The following CENPI variants were observed in gnomAD, a reference collection of about 807,000 sequenced individuals.
CENPI encodes FSH primary response 1.
A neutral mutation model predicts 60.4 loss-of-function variants in CENPI; 4 were observed. The observed-to-expected ratio is 0.07, with a 90% CI of 0.03 to 0.15. CENPI has a LOEUF of 0.15. Ranked by LOEUF, CENPI falls within the 10% of genes least tolerant of loss-of-function variation. The pLI, the probability that CENPI is intolerant of heterozygous loss-of-function variation, is 1.00. For missense variants in CENPI, 444 were observed against 534.5 expected (o/e 0.83, Z 1.67); for synonymous variants, 157 against 189.4 (o/e 0.83, Z 1.40).
intron 16 of CENPI, chrX:101,141,003 A>G: frequency 7.8e-6 from 2 of 257,790 alleles, no homozygotes; most frequent in Non-Finnish European, 1.4e-5. Flanking sequence ...TCAAGAGTTA[A>G]TATAACAAAA....
downstream of CENPI, among the ~76,000 whole-genome samples, chrX:101,169,920 A>G (rs765073542): frequency 1.9e-5 from 2 of 107,850 alleles, no homozygotes; most frequent in African/African-American, 3.3e-5. Flanking sequence ...CAGCTGTACA[A>G]TGTTTGTGTT....
At chrX:101,142,159 T>A (rs1348703553) in intron 16 of CENPI, among the ~76,000 whole-genome samples, 1 of 111,893 alleles carries the variant, frequency 8.9e-6, no homozygotes, top group Non-Finnish European at 1.9e-5. Flanking sequence ...AAATAGTAGG[T>A]TTGCATCTAT....
intron 8 of CENPI, among the ~76,000 whole-genome samples, chrX:101,121,902 A>T (rs1433160207): frequency 1.9e-5 from 2 of 103,617 alleles, no homozygotes; most frequent in Non-Finnish European, 3.9e-5. Flanking sequence ...TCCCGGGTTC[A>T]AGCGATTCTC....
At chrX:101,162,483 T>TATATATATATATATATATATAG (rs2090119847) in intron 21 of CENPI, among the ~76,000 whole-genome samples, 1 of 99,048 alleles carries the variant, frequency 1.0e-5, no homozygotes, top group African/African-American at 3.8e-5. Context: ...AATATATATA[T>TATATATATATATATATATATAG]ATATATATAA....
At chrX:101,099,676 A>G (rs778505640) in intron 2 of CENPI, 1 of 110,898 alleles carries the variant, frequency 9.0e-6, no homozygotes, top group Non-Finnish European at 1.9e-5. Flanking sequence ...AGGTCACCTC[A>G]GAGAGGTTTT....
In CENPI at chrX:101,163,517, G is replaced by C. The variant is rs952029156; in HGVS notation, c.*550G>C. The C allele has an allele frequency of 8.5e-6, 1 of 117,676 alleles. No homozygotes were observed. The highest frequency in any genetic ancestry group is 3.3e-5 in the African/African-American group (1 of 30,550). The allele number at this position is 117,676 out of a possible 1,213,427, so 9.7% of individuals were successfully genotyped here. A position where few individuals can be genotyped will look rare whatever the true frequency, so the allele number is the denominator to read the frequency against. On this transcript the variant is annotated 3_prime_UTR_variant, in exon 22 of 22. Transcript: ENST00000682095. ...GGGAAGGAAGGGGAGAGGATTTGTT[G>C]GGTAATCAAGACATTCCCGTATATG... is the stretch of plus-strand genomic sequence containing the variant.
intron 4 of CENPI, among the ~76,000 whole-genome samples, chrX:101,104,663 A>G (rs938507608): frequency 9.3e-5 from 10 of 107,768 alleles, no homozygotes; most frequent in African/African-American, 3.4e-4. Context: ...ATTTGAGACC[A>G]GCCTGGGCAA....
At chrX:101,143,778 C>T (rs1008290072) in intron 16 of CENPI, among the ~76,000 whole-genome samples, 8 of 112,300 alleles carry the variant, frequency 7.1e-5, no homozygotes, top group Non-Finnish European at 1.3e-4. Flanking sequence ...ATCCGCCTGC[C>T]TCAGCCTCCC....
At chrX:101,135,013 CAA>C (rs60728769) in intron 15 of CENPI, among the ~76,000 whole-genome samples, 23 of 95,915 alleles carry the variant, frequency 2.4e-4, no homozygotes, top group African/African-American at 8.3e-4. Flanking sequence ...GATTCCATCT[CAA>C]AAAAAAAAAA....
chrX:101,136,797 A>T (rs1205024469), intron 15 of CENPI, among the ~76,000 whole-genome samples: 2 of 112,416 alleles, frequency 1.8e-5, no homozygotes, highest in Admixed American at 9.5e-5. Context: ...ATAAAAAATC[A>T]GAATACGTAA....
At chrX:101,133,891 T>C (rs1188209726) in intron 15 of CENPI, among the ~76,000 whole-genome samples, 1 of 111,582 alleles carries the variant, frequency 9.0e-6, no homozygotes, top group Non-Finnish European at 1.9e-5. Flanking sequence ...TATGGAAATA[T>C]ATTCAGGGGA....
At chrX:101,161,779 T>C (rs1415430640) in intron 21 of CENPI, among the ~76,000 whole-genome samples, 5 of 111,456 alleles carry the variant, frequency 4.5e-5, no homozygotes, top group Middle Eastern at 4.2e-3. Context: ...TAACTTTTGA[T>C]AGTTACAGTT....
chrX:101,120,743 C>A lies in CENPI; in HGVS notation c.646C>A (p.Pro216Thr), dbSNP rs1316033883. The change falls in exon 8 of 22, where the codon CCA becomes ACA. Residue 216 changes from proline to threonine, a missense_variant. By Grantham distance (38) the Pro-to-Thr change is conservative (BLOSUM62 -1). Coordinates refer to ENST00000682095, the MANE Select transcript of CENPI (RefSeq NM_001386188.2). Reference sequence around the variant, plus strand: ...CTTTCCTTTATGTTTTCTAGTCAAACCATTTCGTGTGAGAAAACTGCTTGA... The same window carrying A: ...CTTTCCTTTATGTTTTCTAGTCAAAACATTTCGTGTGAGAAAACTGCTTGA... ...YLLTKKENVK[P>T]FRVRKLLDLQ... 1 of 1,208,625 alleles carries A rather than the reference C, an allele frequency of 8.3e-7. No individual in the cohort carries two copies. Among genetic ancestry groups the A allele is most frequent in the Non-Finnish European group, 1.1e-6 (1 of 893,223 alleles).
At chrX:101,119,472 A>G (rs190791612) in intron 6 of CENPI, among the ~76,000 whole-genome samples, 5 of 112,169 alleles carry the variant, frequency 4.5e-5, no homozygotes, top group Admixed American at 3.8e-4. Flanking sequence ...CATGAAGGCC[A>G]TATTGTCTCT....
the CENPI span, among the ~76,000 whole-genome samples, chrX:101,178,398 C>CTTTTTTTTTTTTTTTTTTTTTTTTTTTTT: frequency 2.5e-4 from 10 of 39,983 alleles, no homozygotes; most frequent in Non-Finnish European, 2.9e-4. Flanking sequence ...TTTTCTTCTT[C>CTTTTTTTTTTTTTTTTTTTTTTTTTTTTT]TTTTTTTTTT....
chrX:101,114,617 T>C (rs1232946147), intron 6 of CENPI, among the ~76,000 whole-genome samples: 1 of 111,634 alleles, frequency 9.0e-6, no homozygotes, highest in Admixed American at 9.5e-5. Flanking sequence ...TCAAGTTTCA[T>C]CTGTGTTATA....
intron 4 of CENPI, among the ~76,000 whole-genome samples, chrX:101,105,714 A>G (rs368336926): frequency 9.0e-6 from 1 of 111,321 alleles, no homozygotes; most frequent in East Asian, 2.8e-4. Context: ...AGATGGGACT[A>G]CAGGTGCGTG....
At chrX:101,105,866 T>C (rs1021396532) in intron 4 of CENPI, among the ~76,000 whole-genome samples, 7 of 112,214 alleles carry the variant, frequency 6.2e-5, no homozygotes, top group Non-Finnish European at 1.3e-4. Flanking sequence ...AATCTCTGGC[T>C]TTCTATTGTT....
chrX:101,124,397 G>A (rs373723256), intron 8 of CENPI, among the ~76,000 whole-genome samples: 7 of 110,848 alleles, frequency 6.3e-5, no homozygotes, highest in East Asian at 5.7e-4. Flanking sequence ...TCCACATTGC[G>A]GAGGGCAGTC....
Sources: allele counts gnomAD v4.1 joint callset (sites outside exome capture counted in the v4.1 genomes callset), GRCh38; gene constraint gnomAD v4.1.1; transcripts MANE v1.5; gene names NCBI Gene and HGNC (gene_info 2026-07-23, HGNC 2026-07-21).